CRPPA: variants seen among roughly 807,000 people sequenced by gnomAD.
The protein encoded by CRPPA is CDP-L-ribitol pyrophosphorylase A.
CRPPA carries 43 observed loss-of-function variants against 52.0 expected under a neutral mutation model. The ratio of observed to expected loss-of-function variants is 0.83; its 90% confidence interval spans 0.65 to 1.07. The LOEUF is 1.07. Ranked by LOEUF, CRPPA falls within the 50% of genes least tolerant of loss-of-function variation. The pLI is 0.00. For missense variants in CRPPA, 629 were observed against 551.7 expected, an observed-to-expected ratio of 1.14 and a Z score of -1.40; for synonymous variants, 250 against 203.5, an observed-to-expected ratio of 1.23 and a Z score of -1.94.
chr7:16,168,746 A>G (rs1781118147), intron 9 of CRPPA, among the ~76,000 whole-genome samples: 1 of 152,180 alleles, frequency 6.6e-6, no homozygotes, highest in South Asian at 2.1e-4. Context: ...TGTCTTGTTC[A>G]ATGTTAGCCA....
At chr7:16,385,780 C>G (rs1041691557) in intron 2 of CRPPA, among the ~76,000 whole-genome samples, 1 of 151,922 alleles carries the variant, frequency 6.6e-6, no homozygotes, top group Non-Finnish European at 1.5e-5. Context: ...GTTCCCTGAC[C>G]CCCCCTCACA....
At chr7:16,271,774 A>T (rs543838562) in intron 6 of CRPPA, among the ~76,000 whole-genome samples, 1 of 152,306 alleles carries the variant, frequency 6.6e-6, no homozygotes, top group Admixed American at 6.5e-5. Context: ...TCCTTAGAAT[A>T]TTCATCACAA....
chr7:16,336,306 T>C (rs1785677614), intron 3 of CRPPA, among the ~76,000 whole-genome samples: 1 of 152,082 alleles, frequency 6.6e-6, no homozygotes, highest in Non-Finnish European at 1.5e-5. Context: ...CTGCAGTAAG[T>C]TGTTAAGAGA....
intron 3 of CRPPA, among the ~76,000 whole-genome samples, chr7:16,319,313 C>A (rs549827500): frequency 1.3e-4 from 20 of 152,148 alleles, no homozygotes; most frequent in African/African-American, 4.3e-4. Flanking sequence ...CTGAAAAGGT[C>A]ACCCTTGAAG....
chr7:16,344,382 CA>C (rs1345822535), intron 3 of CRPPA, among the ~76,000 whole-genome samples: 1 of 99,218 alleles, frequency 1.0e-5, no homozygotes, highest in Non-Finnish European at 1.9e-5. Context: ...ACCTGGACAA[CA>C]TAGCAAGAAC....
intron 5 of CRPPA, among the ~76,000 whole-genome samples, chr7:16,285,419 T>TA (rs955387302): frequency 4.0e-4 from 61 of 152,140 alleles, no homozygotes; most frequent in African/African-American, 1.4e-3. Flanking sequence ...AAGTAGCTTC[T>TA]AAAAAAATTC....
chr7:16,395,607 A>G (rs1787550429), intron 2 of CRPPA, among the ~76,000 whole-genome samples: 1 of 152,228 alleles, frequency 6.6e-6, no homozygotes, highest in Admixed American at 6.5e-5. Flanking sequence ...AGAAACAGAG[A>G]TATCTTAGAA....
intron 9 of CRPPA, among the ~76,000 whole-genome samples, chr7:16,186,270 T>A (rs962528939): frequency 2.6e-5 from 4 of 152,190 alleles, no homozygotes; most frequent in Non-Finnish European, 1.5e-5. Context: ...TGGAGATGGG[T>A]CTTTTGGAAG....
intron 9 of CRPPA, among the ~76,000 whole-genome samples, chr7:16,138,819 G>C (rs149829671): frequency 4.6e-5 from 7 of 152,202 alleles, no homozygotes; most frequent in African/African-American, 1.7e-4. Flanking sequence ...TGTTTGTTTT[G>C]AGATGGAGTT....
At chr7:16,346,290 C>T (rs1031635304) in intron 3 of CRPPA, among the ~76,000 whole-genome samples, 6 of 151,616 alleles carry the variant, frequency 4.0e-5, no homozygotes, top group East Asian at 1.9e-4. Flanking sequence ...AGTACTATGA[C>T]GGAAGTAAAA....
intron 9 of CRPPA, among the ~76,000 whole-genome samples, chr7:16,206,573 TTAAAAAAGAACATAG>T (rs972930481): frequency 6.6e-6 from 1 of 151,992 alleles, no homozygotes; most frequent in Non-Finnish European, 1.5e-5. Flanking sequence ...GAACCTTTTT[TTAAAAAAGAACATAG>T]TAAAAATTAA....
At chr7:16,123,254 C>G (rs1782512367) in intron 9 of CRPPA, among the ~76,000 whole-genome samples, 1 of 152,034 alleles carries the variant, frequency 6.6e-6, no homozygotes, top group African/African-American at 2.4e-5. Flanking sequence ...TTCTTCCCTT[C>G]AAAACAAAAT....
intron 2 of CRPPA, among the ~76,000 whole-genome samples, chr7:16,388,471 T>C (rs186808651): frequency 1.8e-3 from 277 of 152,224 alleles, no homozygotes; most frequent in African/African-American, 6.5e-3. Flanking sequence ...ATTTTTCACC[T>C]TAAGACACTG....
chr7:16,146,876 A>G (rs1182299569), intron 9 of CRPPA, among the ~76,000 whole-genome samples: 1 of 152,230 alleles, frequency 6.6e-6, no homozygotes, highest in Non-Finnish European at 1.5e-5. Context: ...TCAAGTCAGA[A>G]AACAATAGAC....
intron 9 of CRPPA, among the ~76,000 whole-genome samples, chr7:16,145,821 T>A (rs1782963785): frequency 6.6e-6 from 1 of 152,042 alleles, no homozygotes; most frequent in Admixed American, 6.6e-5. Context: ...ATTTGATTAA[T>A]GAAACATCAT....
At chr7:16,150,247 T>A (rs1038307763) in intron 9 of CRPPA, among the ~76,000 whole-genome samples, 38 of 152,300 alleles carry the variant, frequency 2.5e-4, no homozygotes, top group African/African-American at 7.0e-4. Context: ...GAATAGGATT[T>A]ATTAGTTTTA....
At chr7:16,394,398 T>C (rs950839249) in intron 2 of CRPPA, among the ~76,000 whole-genome samples, 1 of 152,080 alleles carries the variant, frequency 6.6e-6, no homozygotes, top group Non-Finnish European at 1.5e-5. Context: ...CATATAAACA[T>C]AGCCAAAACA....
intron 2 of CRPPA, among the ~76,000 whole-genome samples, chr7:16,382,891 G>A (rs368885610): frequency 3.3e-5 from 5 of 152,018 alleles, no homozygotes; most frequent in African/African-American, 7.2e-5. Context: ...TTATACATTC[G>A]TCTAAATTTT....
chr7:16,373,746 T>C (rs1786809990), intron 3 of CRPPA, among the ~76,000 whole-genome samples: 1 of 152,206 alleles, frequency 6.6e-6, no homozygotes, highest in Non-Finnish European at 1.5e-5. Flanking sequence ...ATTTGAAGAA[T>C]TAGAGTAAGC....
Sources: allele counts gnomAD v4.1 joint callset (sites outside exome capture counted in the v4.1 genomes callset), GRCh38; gene constraint gnomAD v4.1.1; transcripts MANE v1.5; gene names NCBI Gene and HGNC (gene_info 2026-07-23, HGNC 2026-07-21).